Variants in COL14A1 observed in about 807,000 individuals in gnomAD.
COL14A1 encodes collagen alpha-1(XIV) chain.
Under a neutral mutation model 230.3 loss-of-function variants are expected in COL14A1, and 136 were observed. The ratio of observed to expected loss-of-function variants is 0.59; its 90% confidence interval spans 0.51 to 0.68. The LOEUF is 0.68. Ranked by LOEUF, COL14A1 falls within the 30% of genes least tolerant of loss-of-function variation. The pLI is 0.00. For missense variants in COL14A1, 1,976 were observed against 2,215.8 expected (o/e 0.89, Z 2.17); for synonymous variants, 792 against 784.1 (o/e 1.01, Z -0.17).
chr8:120,160,832 A>C (rs1231224558), intron 3 of COL14A1, among the ~76,000 whole-genome samples: 2 of 152,234 alleles, frequency 1.3e-5, no homozygotes, highest in Non-Finnish European at 2.9e-5. Flanking sequence ...ATATAGCTAA[A>C]TAGTTTAATG....
chr8:120,201,288 G>T (rs1386021476), intron 8 of COL14A1, among the ~76,000 whole-genome samples: 1 of 152,132 alleles, frequency 6.6e-6, no homozygotes, highest in African/African-American at 2.4e-5. Flanking sequence ...GTGCATGTGT[G>T]TGTGGTGCAG....
chr8:120,273,686 T>C (rs1819745523), intron 26 of COL14A1, among the ~76,000 whole-genome samples: 1 of 151,006 alleles, frequency 6.6e-6, no homozygotes, highest in Non-Finnish European at 1.5e-5. Context: ...AACTACAAAA[T>C]CTGAAGGAAA....
At chr8:120,213,399 C>T (rs986335610) in intron 13 of COL14A1, among the ~76,000 whole-genome samples, 1 of 152,152 alleles carries the variant, frequency 6.6e-6, no homozygotes, top group Non-Finnish European at 1.5e-5. Context: ...AGCACAATTT[C>T]TACAATGCCT....
At chr8:120,271,254 G>A (rs952867880) in intron 26 of COL14A1, among the ~76,000 whole-genome samples, 9 of 151,468 alleles carry the variant, frequency 5.9e-5, no homozygotes, top group South Asian at 4.2e-4. Context: ...AGTGAGGATC[G>A]AAAAATTACC....
At chr8:120,217,934 G>T (rs1314041131) in intron 14 of COL14A1, among the ~76,000 whole-genome samples, 1 of 143,060 alleles carries the variant, frequency 7.0e-6, no homozygotes, top group Non-Finnish European at 1.5e-5. Flanking sequence ...GACACATGAG[G>T]CTAACTTAGG....
chr8:120,315,672 T>G, intron 39 of COL14A1, 86 bp downstream of exon 39: 1 of 1,145,258 alleles, frequency 8.7e-7, no homozygotes. Flanking sequence ...TGAAGTCAGT[T>G]GTGATCTTGG....
chr8:120,290,201 C>A (rs1324720268), intron 34 of COL14A1, among the ~76,000 whole-genome samples: 1 of 152,060 alleles, frequency 6.6e-6, no homozygotes, highest in African/African-American at 2.4e-5. Flanking sequence ...TTGACATAAG[C>A]CTCTTATTTG....
At chr8:120,243,205 C>T (rs1002969261) in intron 19 of COL14A1, among the ~76,000 whole-genome samples, 1 of 152,198 alleles carries the variant, frequency 6.6e-6, no homozygotes, top group Non-Finnish European at 1.5e-5. Flanking sequence ...TGCACTCACA[C>T]TTGCGCGATG....
intron 42 of COL14A1, among the ~76,000 whole-genome samples, chr8:120,339,764 C>T (rs1586879162): frequency 6.6e-6 from 1 of 152,042 alleles, no homozygotes; most frequent in East Asian, 1.9e-4. Flanking sequence ...TGGCCAGGTG[C>T]AGTGGCTCAC....
chr8:120,273,777 T>C (rs990355573), intron 26 of COL14A1, among the ~76,000 whole-genome samples: 1 of 147,510 alleles, frequency 6.8e-6, no homozygotes, highest in African/African-American at 2.5e-5. Context: ...GGCAGTGAGA[T>C]TGCATCAGTG....
In COL14A1 at chr8:120,206,944, C is replaced by T; in HGVS notation, c.1041C>T (p.Ala347=). The T allele has an allele frequency of 6.2e-7, 1 of 1,601,400 alleles. No homozygotes were observed. Among genetic ancestry groups the T allele is most frequent in the Middle Eastern group, 1.7e-4 (1 of 5,988 alleles). Reference sequence around the variant, plus strand: ...ATTTGATATGTTTTTTTAATTTAGCCTCAGCCCATGCCATCACTGGGCCGC... The same window carrying T: ...ATTTGATATGTTTTTTTAATTTAGCTTCAGCCCATGCCATCACTGGGCCGC... ...RVEEQDREIK[A]SAHAITGPPT... The change falls in exon 10 of 48, where the codon GCC becomes GCT. Residue 347 remains alanine (A), a splice_region_variant and synonymous_variant. Coordinates refer to ENST00000297848, the MANE Select transcript of COL14A1 (RefSeq NM_021110.4).
At chr8:120,298,786 G>A (rs1167449354) in intron 35 of COL14A1, among the ~76,000 whole-genome samples, 1 of 150,798 alleles carries the variant, frequency 6.6e-6, no homozygotes, top group Non-Finnish European at 1.5e-5. Context: ...TGTGAGATTT[G>A]ACCTTATAAC....
At chr8:120,247,563 A>T in intron 20 of COL14A1, 50 bp from the exon 21 acceptor site, 1 of 1,575,244 alleles carries the variant, frequency 6.3e-7, no homozygotes, top group Non-Finnish European at 8.6e-7. Context: ...GTAGGACATA[A>T]AGAAGGAAAT....
At chr8:120,202,264 C>T (rs1817272634) in intron 8 of COL14A1, among the ~76,000 whole-genome samples, 1 of 152,182 alleles carries the variant, frequency 6.6e-6, no homozygotes, top group Non-Finnish European at 1.5e-5. Flanking sequence ...TTAGACTTCT[C>T]TGAAAATTAC....
chr8:120,190,447 C>G (rs1816785001), intron 5 of COL14A1, among the ~76,000 whole-genome samples: 1 of 152,108 alleles, frequency 6.6e-6, no homozygotes, highest in Non-Finnish European at 1.5e-5. Context: ...CCTGTTCACT[C>G]TGATGGTAGT....
chr8:120,215,180 G>A (rs1344851556), intron 13 of COL14A1, among the ~76,000 whole-genome samples: 2 of 152,138 alleles, frequency 1.3e-5, no homozygotes, highest in Admixed American at 1.3e-4. Context: ...GACCAGCCTG[G>A]CCAACATGGT....
intron 45 of COL14A1, among the ~76,000 whole-genome samples, chr8:120,355,993 G>C (rs1225363143): frequency 6.6e-6 from 1 of 152,218 alleles, no homozygotes; most frequent in Non-Finnish European, 1.5e-5. Flanking sequence ...CATCTGCCAA[G>C]TGTTGCGCTC....
rs1207623687 is a variant in COL14A1 at position 120,231,665 on chromosome 8, A to G, written c.2349+47A>G. 5 of 1,581,392 alleles carry G rather than the reference A, an allele frequency of 3.2e-6. No individual in the cohort carries two copies. In the African/African-American group the frequency reaches 6.8e-5, roughly 21 times the overall value. On this transcript the variant is annotated intron_variant, in intron 19 of 47. Coordinates refer to ENST00000297848, the MANE Select transcript of COL14A1 (RefSeq NM_021110.4). The stretch of plus-strand genomic sequence containing the variant: ...TAGAAACTCTGCAGATGTTACTAAC[A>G]CAGCTAATAAGACTGTCTTCGGAGA...
chr8:120,312,438 ACTT>A (rs1821075886), intron 37 of COL14A1, among the ~76,000 whole-genome samples: 2 of 152,236 alleles, frequency 1.3e-5, no homozygotes, highest in Admixed American at 6.5e-5. Context: ...ACAATCAAAC[ACTT>A]CTTTGTTTGA....
Sources: allele counts gnomAD v4.1 joint callset (sites outside exome capture counted in the v4.1 genomes callset), GRCh38; gene constraint gnomAD v4.1.1; transcripts MANE v1.5; gene names NCBI Gene and HGNC (gene_info 2026-07-23, HGNC 2026-07-21).